Variants in ERICH6B observed in about 807,000 individuals in gnomAD.
The protein encoded by ERICH6B is glutamate rich 6B.
A neutral mutation model predicts 80.0 loss-of-function variants in ERICH6B; 69 were observed. The observed-to-expected ratio is 0.86, with a 90% CI of 0.71 to 1.05. The LOEUF is 1.05. Among genes scored for constraint, ERICH6B ranks in the 50% least tolerant of loss-of-function variants. ERICH6B has a pLI of 0.00. For missense variants in ERICH6B, 754 were observed against 796.1 expected (o/e 0.95, Z 0.64); for synonymous variants, 283 against 291.9 (o/e 0.97, Z 0.31).
At chr13:45,583,873 G>T (rs1440477251) in intron 5 of ERICH6B, among the ~76,000 whole-genome samples, 5 of 152,078 alleles carry the variant, frequency 3.3e-5, no homozygotes, top group African/African-American at 1.2e-4. Flanking sequence ...CCCAGTCTCA[G>T]GTATGTCTTT....
intron 13 of ERICH6B, among the ~76,000 whole-genome samples, chr13:45,547,772 AACTTT>A (rs1371647545): frequency 6.6e-6 from 1 of 152,084 alleles, no homozygotes; most frequent in African/African-American, 2.4e-5. Context: ...AGCTGATATA[AACTTT>A]ACTTTGCTGC....
intron 9 of ERICH6B, 56 bp from the exon 10 acceptor site, chr13:45,563,844 C>T (rs1175975390): frequency 7.1e-7 from 1 of 1,398,798 alleles, no homozygotes; most frequent in Non-Finnish European, 9.9e-7. Flanking sequence ...GCATACATGC[C>T]ATCACACACA....
chr13:45,614,755 T>C (rs1246238391), intron 1 of ERICH6B, among the ~76,000 whole-genome samples: 1 of 152,284 alleles, frequency 6.6e-6, no homozygotes, highest in Non-Finnish European at 1.5e-5. Context: ...TTCTTGTTGC[T>C]GTTATCATCT....
intron 1 of ERICH6B, among the ~76,000 whole-genome samples, chr13:45,609,034 G>T (rs74070516): frequency 0.015 from 2,221 of 152,282 alleles, 51 homozygotes; most frequent in African/African-American, 0.051. Flanking sequence ...CGTTCTTCCT[G>T]CTACCACCAC....
At chr13:45,557,022 C>T (rs1874470262) in intron 11 of ERICH6B, among the ~76,000 whole-genome samples, 1 of 152,172 alleles carries the variant, frequency 6.6e-6, no homozygotes, top group South Asian at 2.1e-4. Flanking sequence ...ACACTGTTTT[C>T]CATAGTGGTT....
chr13:45,561,425 C>G lies in ERICH6B; in HGVS notation c.1351G>C (p.Val451Leu). The G allele has an allele frequency of 6.4e-7, 1 of 1,552,304 alleles. No homozygotes were observed. Among genetic ancestry groups the G allele is most frequent in the Non-Finnish European group, 8.7e-7 (1 of 1,147,138 alleles). ...CGTTCTAATTTCTTCCTATGATGAACAACACGTTGAGGCTTTTGGATTTCT... is the reference window on the plus strand; with the variant it reads ...CGTTCTAATTTCTTCCTATGATGAAGAACACGTTGAGGCTTTTGGATTTCT... ...TEEIQKPQRV[V>L]HHRKKLERDK... The change falls in exon 11 of 15, where the codon GTT becomes CTT. Residue 451 changes from valine to leucine, a missense_variant. By Grantham distance (32) the Val-to-Leu change is conservative. Coordinates refer to ENST00000298738, the MANE Select transcript of ERICH6B (RefSeq NM_182542.3).
chr13:45,559,464 C>T (rs1184243764), intron 11 of ERICH6B, among the ~76,000 whole-genome samples: 2 of 151,822 alleles, frequency 1.3e-5, no homozygotes, highest in Non-Finnish European at 2.9e-5. Flanking sequence ...TCTTGTTTCT[C>T]TAGTTCCTTG....
chr13:45,564,438 G>T (rs1354353344), intron 9 of ERICH6B, among the ~76,000 whole-genome samples: 1 of 152,248 alleles, frequency 6.6e-6, no homozygotes, highest in Non-Finnish European at 1.5e-5. Flanking sequence ...GTGCCAGAAA[G>T]AGTAAGCTTC....
intron 3 of ERICH6B, among the ~76,000 whole-genome samples, chr13:45,591,723 G>T (rs1204103380): frequency 2.0e-5 from 3 of 152,148 alleles, no homozygotes; most frequent in Non-Finnish European, 2.9e-5. Context: ...GTTTAAAACA[G>T]TAAAAACCAA....
At chr13:45,577,880 A>AC (rs1217992453) in intron 7 of ERICH6B, among the ~76,000 whole-genome samples, 1 of 152,232 alleles carries the variant, frequency 6.6e-6, no homozygotes, top group Admixed American at 6.5e-5. Context: ...GGCATGAGCC[A>AC]CTGCACCCAG....
intron 1 of ERICH6B, among the ~76,000 whole-genome samples, chr13:45,615,094 C>A (rs1338425281): frequency 6.6e-6 from 1 of 152,192 alleles, no homozygotes; most frequent in Non-Finnish European, 1.5e-5. Context: ...TTTGAGCCAT[C>A]ACTTGGAACA....
At chr13:45,571,012 C>T (rs1243746975) in intron 8 of ERICH6B, among the ~76,000 whole-genome samples, 4 of 148,938 alleles carry the variant, frequency 2.7e-5, no homozygotes, top group African/African-American at 1.0e-4. Context: ...TCTCCTCCTG[C>T]TCTGTCCCTA....
intron 2 of ERICH6B, among the ~76,000 whole-genome samples, chr13:45,601,111 G>C (rs1949824501): frequency 6.6e-6 from 1 of 152,096 alleles, no homozygotes; most frequent in South Asian, 2.1e-4. Context: ...ACGATGCCTT[G>C]ATGTTTCCTC....
chr13:45,548,471 G>C (rs1353899328), intron 13 of ERICH6B, among the ~76,000 whole-genome samples: 1 of 152,128 alleles, frequency 6.6e-6, no homozygotes, highest in Admixed American at 6.5e-5. Flanking sequence ...TTTTCCTCTG[G>C]AGCAGCTGCC....
intron 13 of ERICH6B, among the ~76,000 whole-genome samples, chr13:45,547,114 A>G (rs1874025211): frequency 6.6e-6 from 1 of 152,232 alleles, no homozygotes; most frequent in African/African-American, 2.4e-5. Context: ...CCAGTCACTT[A>G]ACCTCTCTAT....
At position 45,596,580 on chromosome 13, in the gene ERICH6B, C is replaced by T. The variant is rs756603985; in HGVS notation, c.426G>A (p.Lys142=). 2.6e-6 allele frequency: 4 copies of T among 1,546,564 alleles called. No homozygotes were observed. In the Admixed American group the frequency reaches 5.9e-5, roughly 23 times the overall value. ...EHLEEEEYLG[K]EGYLEKEDYI... ...AATCTTCCTTCTCCAGATACCCTTC[C>T]TTCCCCAGATACTCTTCCTCCTCCA... The change falls in exon 3 of 15, where the codon AAG becomes AAA. Residue 142 remains lysine, a synonymous_variant. Transcript: ENST00000298738.
chr13:45,575,517 C>A (rs1285529743), intron 7 of ERICH6B, among the ~76,000 whole-genome samples: 1 of 152,110 alleles, frequency 6.6e-6, no homozygotes, highest in Non-Finnish European at 1.5e-5. Flanking sequence ...GTGGGAAGGA[C>A]TTTAGATTTT....
At chr13:45,599,832 G>C (rs912662935) in intron 2 of ERICH6B, among the ~76,000 whole-genome samples, 2 of 152,170 alleles carry the variant, frequency 1.3e-5, no homozygotes, top group African/African-American at 4.8e-5. Flanking sequence ...AAAGTGTTAG[G>C]ATTAAAGCAA....
At chr13:45,589,143 G>A (rs1411549777) in intron 4 of ERICH6B, among the ~76,000 whole-genome samples, 1 of 152,190 alleles carries the variant, frequency 6.6e-6, no homozygotes, top group African/African-American at 2.4e-5. Context: ...AAAGGAGTCT[G>A]TGGAAGGTTT....
Sources: allele counts gnomAD v4.1 joint callset (sites outside exome capture counted in the v4.1 genomes callset), GRCh38; gene constraint gnomAD v4.1.1; transcripts MANE v1.5; gene names NCBI Gene and HGNC (gene_info 2026-07-23, HGNC 2026-07-21).